The following SYNE1 variants were observed in gnomAD, a reference collection of about 807,000 sequenced individuals.
SYNE1 encodes the protein nesprin-1.
In SYNE1, 616 loss-of-function variants were observed where a neutral mutation model predicts 1,111.0. The observed-to-expected ratio is 0.55, with a 90% CI of 0.52 to 0.59. The LOEUF is 0.59. Among genes scored for constraint, SYNE1 ranks in the 20% least tolerant of loss-of-function variants. The pLI is 0.00. For missense variants in SYNE1, 10,006 were observed against 10,417.0 expected (o/e 0.96, Z 1.72); for synonymous variants, 3,855 against 3,825.8 (o/e 1.01, Z -0.28).
chr6:152,525,896 A>T (rs749081152), intron 5 of SYNE1, among the ~76,000 whole-genome samples, 184 bp downstream of exon 5: 6 of 152,208 alleles, frequency 3.9e-5, no homozygotes, highest in Admixed American at 6.5e-5. Flanking sequence ...TTGCAGGAAC[A>T]AGAAGGGAAA....
intron 127 of SYNE1, among the ~76,000 whole-genome samples, chr6:152,196,126 C>T (rs1045851925): frequency 2.6e-5 from 4 of 152,124 alleles, no homozygotes; most frequent in African/African-American, 9.7e-5. Context: ...GGCTCTTCAA[C>T]TCAGCTTGTG....
At chr6:152,615,699 A>C (rs1042346733) in intron 3 of SYNE1, among the ~76,000 whole-genome samples, 4 of 152,250 alleles carry the variant, frequency 2.6e-5, no homozygotes, top group Non-Finnish European at 5.9e-5. Flanking sequence ...TTAATTATGC[A>C]TAGGTGTTTA....
chr6:152,617,597 C>T (rs1583509407), intron 3 of SYNE1, among the ~76,000 whole-genome samples: 1 of 152,148 alleles, frequency 6.6e-6, no homozygotes. Flanking sequence ...AATATGAGTA[C>T]CTACTTGTGC....
intron 29 of SYNE1, 31 bp from the exon 30 acceptor site, chr6:152,444,609 A>G: frequency 6.3e-7 from 1 of 1,576,592 alleles, no homozygotes; most frequent in Non-Finnish European, 8.6e-7. Flanking sequence ...AAAACACGTA[A>G]ATCATATGCT....
At chr6:152,396,178 C>T (rs79795662) in intron 50 of SYNE1, among the ~76,000 whole-genome samples, 3,305 of 152,198 alleles carry the variant, frequency 0.022, 111 homozygotes, top group African/African-American at 0.074. Context: ...GCCTCTGTGT[C>T]TTTGTTTCTT....
intron 11 of SYNE1, among the ~76,000 whole-genome samples, chr6:152,489,185 G>A (rs1003653757): frequency 4.6e-5 from 7 of 152,138 alleles, no homozygotes; most frequent in Admixed American, 2.6e-4. Context: ...TAATAGCACT[G>A]ATTTAGTGAA....
chr6:152,148,320 G>A lies in SYNE1; in HGVS notation c.24701C>T (p.Ala8234Val). 6.2e-7 allele frequency: 1 copy of A among 1,614,180 alleles called. No homozygotes were observed. The highest frequency in any genetic ancestry group is 8.5e-7 in the Non-Finnish European group (1 of 1,180,026). The change falls in exon 137 of 146, where the codon GCT becomes GTT. Residue 8234 changes from alanine (A) to valine (V), a missense_variant. This residue lies in a region of SYNE1 where 761 missense variants were observed against 795.5 expected (regional missense o/e 0.96). Coordinates refer to ENST00000367255, the MANE Select transcript of SYNE1 (RefSeq NM_182961.4). The surrounding 1 kb of genome is among the most constrained non-coding windows in gnomAD (Gnocchi z 4.1). ...DRELELEDSA[A>V]LSDLHWHDRS... ...GTCGTGCCAGTGCAGGTCCGACAGAGCTGCAGAGTCTTCCAGCTCCAGCTC... is the reference window on the plus strand; with the variant it reads ...GTCGTGCCAGTGCAGGTCCGACAGAACTGCAGAGTCTTCCAGCTCCAGCTC...
intron 3 of SYNE1, 130 bp from the exon 4 acceptor site, chr6:152,540,151 T>C: frequency 3.3e-6 from 3 of 912,710 alleles, no homozygotes; most frequent in East Asian, 5.1e-5. Flanking sequence ...CCAATTATTG[T>C]CTTGAAGGGA....
At chr6:152,441,101 A>G (rs1415134197) in intron 32 of SYNE1, 29 bp downstream of exon 32, 1 of 1,612,514 alleles carries the variant, frequency 6.2e-7, no homozygotes, top group South Asian at 1.1e-5. Context: ...TTTTTTCTGA[A>G]TATTGGGTAC....
chr6:152,333,909 A>C, intron 77 of SYNE1, 99 bp downstream of exon 77: 1 of 1,522,408 alleles, frequency 6.6e-7, no homozygotes, highest in Non-Finnish European at 9.1e-7. Context: ...CTGGGATTAC[A>C]GGCATCAGCC....
intron 3 of SYNE1, among the ~76,000 whole-genome samples, chr6:152,554,796 A>G (rs906919594): frequency 6.6e-6 from 1 of 152,102 alleles, no homozygotes; most frequent in Non-Finnish European, 1.5e-5. Context: ...TCATCACCCA[A>G]GAGCCTACAC....
intron 130 of SYNE1, among the ~76,000 whole-genome samples, chr6:152,173,446 G>A (rs1283129117): frequency 1.3e-5 from 2 of 152,196 alleles, no homozygotes; most frequent in Non-Finnish European, 2.9e-5. Flanking sequence ...GTTATATTTT[G>A]CTTTAGTGCA....
chr6:152,485,376 A>G (rs1186120586), intron 12 of SYNE1, among the ~76,000 whole-genome samples: 1 of 152,206 alleles, frequency 6.6e-6, no homozygotes, highest in African/African-American at 2.4e-5. Context: ...CTAATAATCA[A>G]GATAGTTGCT....
chr6:152,337,121 A>G (rs2096409359), intron 75 of SYNE1, 104 bp from the exon 76 acceptor site: 2 of 1,035,982 alleles, frequency 1.9e-6, no homozygotes, highest in Middle Eastern at 2.6e-4. Flanking sequence ...CTCATTTGAC[A>G]CACACATACA....
intron 88 of SYNE1, 21 bp downstream of exon 88, chr6:152,310,667 C>CTTTTTTTTTTTTTTTT: frequency 1.3e-6 from 2 of 1,509,532 alleles, no homozygotes; most frequent in East Asian, 2.4e-5. Context: ...TTTTCTGTTT[C>CTTTTTTTTTTTTTTTT]TTTTTTTTTT....
At chr6:152,537,308 C>A (rs2127940155) in intron 4 of SYNE1, among the ~76,000 whole-genome samples, 1 of 152,106 alleles carries the variant, frequency 6.6e-6, no homozygotes, top group Non-Finnish European at 1.5e-5. Flanking sequence ...CAAAAAAGAA[C>A]AGATATTTAT....
At position 152,433,049 on chromosome 6, in the gene SYNE1, T is replaced by C. The variant is rs117198082; in HGVS notation, c.4461+746A>G. ...TCCCTCACCTTGGTATTTATTTTAC[T>C]ATATTTAATTGAATGAAATAGCAGA... On this transcript the variant is annotated intron_variant, in intron 34 of 145. Coordinates refer to ENST00000367255, the MANE Select transcript of SYNE1 (RefSeq NM_182961.4). Among the ~76,000 whole-genome samples, 1,375 of 151,442 alleles carry C rather than the reference T, an allele frequency of 9.1e-3. 8 individuals are homozygous for C. Among genetic ancestry groups the C allele is most frequent in the Admixed American group, 0.015 (234 of 15,174 alleles).
At chr6:152,598,956 T>C (rs1255450788) in intron 3 of SYNE1, among the ~76,000 whole-genome samples, 1 of 152,220 alleles carries the variant, frequency 6.6e-6, no homozygotes, top group East Asian at 1.9e-4. Flanking sequence ...TCAAGTGATG[T>C]TATTATCTTT....
chr6:152,554,793 C>T (rs896189453), intron 3 of SYNE1, among the ~76,000 whole-genome samples: 1 of 152,016 alleles, frequency 6.6e-6, no homozygotes, highest in African/African-American at 2.4e-5. Context: ...ACATCATCAC[C>T]CAAGAGCCTA....
Sources: gnomAD v4.1 joint callset for allele counts (sites outside exome capture counted in the v4.1 genomes callset) on GRCh38, gnomAD v4.1.1 for gene constraint, gnomAD v4.1.1 regional missense constraint, Gnocchi (gnomAD v3.1) non-coding constraint, MANE v1.5 for transcripts, NCBI Gene and HGNC (gene_info 2026-07-23, HGNC 2026-07-21) for gene names.